The following FNDC3A variants were observed in gnomAD, a reference collection of about 807,000 sequenced individuals.
FNDC3A encodes the protein fibronectin type III domain containing 3A, also known as fibronectin type-III domain-containing protein 3A.
A neutral mutation model predicts 148.9 loss-of-function variants in FNDC3A; 32 were observed. The observed-to-expected ratio is 0.21, with a 90% confidence interval of 0.16 to 0.29. The LOEUF is 0.29. Among genes scored for constraint, FNDC3A ranks in the 10% least tolerant of loss-of-function variants. FNDC3A has a pLI of 1.00. For missense variants in FNDC3A, 1,191 were observed against 1,452.8 expected (o/e 0.82, Z 2.93); for synonymous variants, 472 against 473.6 (o/e 1.00, Z 0.04).
intron 2 of FNDC3A, among the ~76,000 whole-genome samples, chr13:49,048,556 A>G (rs1386312335): frequency 1.3e-5 from 2 of 152,028 alleles, no homozygotes; most frequent in Admixed American, 6.6e-5. Context: ...GTATACTCCT[A>G]AGTGTTTTAT....
At chr13:49,161,589 C>T (rs985172640) in intron 8 of FNDC3A, among the ~76,000 whole-genome samples, 1 of 152,110 alleles carries the variant, frequency 6.6e-6, no homozygotes, top group Non-Finnish European at 1.5e-5. Flanking sequence ...TTAATTGGGG[C>T]ATTTAGTCCA....
At chr13:49,086,851 A>G (rs886208421) in intron 3 of FNDC3A, among the ~76,000 whole-genome samples, 6 of 152,176 alleles carry the variant, frequency 3.9e-5, no homozygotes, top group African/African-American at 1.2e-4. Flanking sequence ...CGCTCAAAAT[A>G]GTAGCTTTGA....
intron 3 of FNDC3A, among the ~76,000 whole-genome samples, chr13:49,092,623 G>T (rs1566244502): frequency 6.6e-6 from 1 of 151,950 alleles, no homozygotes; most frequent in Non-Finnish European, 1.5e-5. Context: ...TCATACCTTT[G>T]TTCACATTGT....
At chr13:49,204,401 TA>T (rs565739532) in intron 25 of FNDC3A, among the ~76,000 whole-genome samples, 34 of 151,794 alleles carry the variant, frequency 2.2e-4, no homozygotes, top group Admixed American at 7.9e-4. Flanking sequence ...CCTCTTCCAC[TA>T]AAAAAAAGAT....
rs1883219086 is a variant in FNDC3A, at chr13:49,150,352, G to A, written c.977+4417G>A. Among the ~76,000 whole-genome samples, 3 of 152,102 alleles carry A rather than the reference G, an allele frequency of 2.0e-5. No homozygotes were observed. The South Asian group carries it at 6.2e-4, about 32-fold the overall frequency. ...TTTTGTAGTTCTTGAGATGTGCATT[G>A]CTAGATTGTTTATTTAGACTCTTTA... On this transcript the variant is annotated intron_variant, in intron 8 of 25. Transcript: ENST00000492622.
At chr13:49,095,218 A>T (rs1879446931) in intron 3 of FNDC3A, among the ~76,000 whole-genome samples, 5 of 152,022 alleles carry the variant, frequency 3.3e-5, no homozygotes, top group Admixed American at 3.3e-4. Context: ...AGATAAGTGG[A>T]TTTTTAAACT....
At chr13:49,135,002 C>G (rs186670029) in intron 5 of FNDC3A, among the ~76,000 whole-genome samples, 3 of 151,166 alleles carry the variant, frequency 2.0e-5, no homozygotes, top group Admixed American at 1.3e-4. Flanking sequence ...ATTACAGGTG[C>G]GCGCCACCAC....
At chr13:49,184,736 A>G (rs889838926) in intron 14 of FNDC3A, among the ~76,000 whole-genome samples, 1 of 152,116 alleles carries the variant, frequency 6.6e-6, no homozygotes, top group Non-Finnish European at 1.5e-5. Flanking sequence ...AAATGAAGGA[A>G]CTTACAGGTA....
chr13:49,006,125 A>G lies in FNDC3A; in HGVS notation c.-39-27A>G. On this transcript the variant is annotated intron_variant, in intron 1 of 25. Coordinates refer to ENST00000492622, the MANE Select transcript of FNDC3A (RefSeq NM_001079673.2). ...TACTGTATTTTAAGGATATACTTAC[A>G]AATGACTATATATGTTTGTTTTTCA... The G allele has an allele frequency of 6.1e-6, 5 of 814,466 alleles. No homozygotes were observed. In the South Asian group the frequency reaches 8.0e-5, roughly 13 times the overall value. The allele number at this position is 814,466 out of a possible 1,614,324, so 50.5% of individuals were successfully genotyped here. A position where few individuals can be genotyped will look rare whatever the true frequency, so the allele number is the denominator to read the frequency against.
At chr13:49,103,585 G>T (rs1425781077) in intron 3 of FNDC3A, among the ~76,000 whole-genome samples, 1 of 152,202 alleles carries the variant, frequency 6.6e-6, no homozygotes, top group Non-Finnish European at 1.5e-5. Context: ...GGGGCAAGGA[G>T]ACCCATTAGG....
intron 2 of FNDC3A, among the ~76,000 whole-genome samples, chr13:49,060,777 T>C (rs1876623387): frequency 6.6e-6 from 1 of 151,238 alleles, no homozygotes; most frequent in African/African-American, 2.4e-5. Flanking sequence ...ATATTAAACA[T>C]CCAAAATAGG....
chr13:49,144,013 GCTA>G (rs1236746605), intron 7 of FNDC3A, among the ~76,000 whole-genome samples: 187 of 142,156 alleles, frequency 1.3e-3, no homozygotes, highest in Non-Finnish European at 2.4e-3. Context: ...TACTACTACT[GCTA>G]CTACTACTAC....
In FNDC3A at chr13:49,138,905, A is replaced by C. The variant is rs1882535401; in HGVS notation, c.819+100A>C. On this transcript the variant is annotated intron_variant, in intron 7 of 25. Coordinates refer to ENST00000492622, the MANE Select transcript of FNDC3A (RefSeq NM_001079673.2). ...TTTTTTTCTTTTAACTTTTTATGAAAATAGGATCATACTGTATTCTGTGAC... is the reference window on the plus strand; with the variant it reads ...TTTTTTTCTTTTAACTTTTTATGAACATAGGATCATACTGTATTCTGTGAC... 5 of 623,410 alleles carry C rather than the reference A, an allele frequency of 8.0e-6. No individual in the cohort carries two copies. The East Asian group carries it at 1.5e-4, about 18-fold the overall frequency. 38.6% of individuals were successfully genotyped at this position (623,410 alleles called of 1,614,324 possible).
chr13:49,187,607 C>T, intron 16 of FNDC3A: 1 of 1,607,114 alleles, frequency 6.2e-7, no homozygotes, highest in Non-Finnish European at 8.5e-7. Flanking sequence ...TTCCCAGGGC[C>T]CTCCTCACAG....
intron 4 of FNDC3A, among the ~76,000 whole-genome samples, chr13:49,120,106 C>CTG (rs1467733293): frequency 1.3e-5 from 2 of 152,124 alleles, no homozygotes; most frequent in African/African-American, 2.4e-5. Context: ...TCAGGTTACC[C>CTG]ACAAAGGGAA....
At chr13:49,101,771 C>A (rs180748401) in intron 3 of FNDC3A, among the ~76,000 whole-genome samples, 104 of 146,062 alleles carry the variant, frequency 7.1e-4, no homozygotes, top group African/African-American at 2.4e-3. Context: ...TGGTAGAAGT[C>A]ATCTTGGACT....
chr13:49,095,915 A>G (rs1355159853), intron 3 of FNDC3A, among the ~76,000 whole-genome samples: 2 of 152,042 alleles, frequency 1.3e-5, no homozygotes, highest in African/African-American at 4.8e-5. Context: ...TGTTCTAGGA[A>G]ACAGAAAAGA....
chr13:49,198,601 A>G (rs1359888490), intron 23 of FNDC3A, 27 bp downstream of exon 23: 1 of 1,539,032 alleles, frequency 6.5e-7, no homozygotes, highest in South Asian at 1.1e-5. Flanking sequence ...GCTTCTTTAT[A>G]TAGTTTCTTA....
intron 8 of FNDC3A, among the ~76,000 whole-genome samples, chr13:49,157,929 TCAGA>T (rs1434960420): frequency 4.8e-5 from 7 of 144,558 alleles, no homozygotes; most frequent in African/African-American, 1.3e-4. Flanking sequence ...TTCAAAGCTG[TCAGA>T]CAGGGACATT....
Sources: gnomAD v4.1 joint callset for allele counts (sites outside exome capture counted in the v4.1 genomes callset) on GRCh38, gnomAD v4.1.1 for gene constraint, MANE v1.5 for transcripts, NCBI Gene and HGNC (gene_info 2026-07-23, HGNC 2026-07-21) for gene names.